Variants in ANKRD30BL observed in about 807,000 individuals in gnomAD.
The protein encoded by ANKRD30BL is ankyrin repeat domain 30B like.
A neutral mutation model predicts 18.4 loss-of-function variants in ANKRD30BL; 20 were observed. That is an observed-to-expected ratio of 1.09 (90% CI 0.77 to 1.58). The LOEUF (loss-of-function observed/expected upper bound fraction) is 1.58. ANKRD30BL is among the 40% of genes most tolerant of loss of function. The probability of loss-of-function intolerance (pLI) is 0.00; values close to 1 mark genes in which losing one functional copy is unlikely to be tolerated. For missense variants in ANKRD30BL, 224 were observed against 268.6 expected (o/e 0.83, Z 1.16); for synonymous variants, 72 against 100.9 (o/e 0.71, Z 1.72).
chr2:132,235,122 T>C (rs1315670615), intron 1 of ANKRD30BL, among the ~76,000 whole-genome samples: 6 of 152,144 alleles, frequency 3.9e-5, no homozygotes, highest in Admixed American at 1.3e-4. Flanking sequence ...AAAAAGCCTT[T>C]GACAAAATTC....
intron 1 of ANKRD30BL, among the ~76,000 whole-genome samples, chr2:132,206,591 G>C (rs1389742454): frequency 6.6e-6 from 1 of 152,140 alleles, no homozygotes; most frequent in Non-Finnish European, 1.5e-5. Flanking sequence ...TACTTAGTGA[G>C]TTCTCTTTGT....
chr2:132,256,003 G>C (rs1223847120), intron 1 of ANKRD30BL, among the ~76,000 whole-genome samples: 1 of 152,184 alleles, frequency 6.6e-6, no homozygotes, highest in Non-Finnish European at 1.5e-5. Flanking sequence ...CTGTGAAGGG[G>C]GTCAGTGCCC....
intron 1 of ANKRD30BL, among the ~76,000 whole-genome samples, chr2:132,227,264 C>A (rs547325756): frequency 7.7e-4 from 117 of 151,566 alleles, no homozygotes; most frequent in African/African-American, 2.8e-3. Flanking sequence ...TGTGCATTCA[C>A]TTCACAGAGT....
At chr2:132,217,516 T>C (rs1679540586) in intron 1 of ANKRD30BL, among the ~76,000 whole-genome samples, 1 of 152,108 alleles carries the variant, frequency 6.6e-6, no homozygotes, top group Non-Finnish European at 1.5e-5. Flanking sequence ...AGATACTTTA[T>C]CATAGAGCAG....
chr2:132,208,694 C>T (rs1175228450), intron 1 of ANKRD30BL, among the ~76,000 whole-genome samples: 1 of 151,390 alleles, frequency 6.6e-6, no homozygotes, highest in Non-Finnish European at 1.5e-5. Flanking sequence ...AGTGTATTCA[C>T]TAAAGCAAGG....
At chr2:132,167,734 G>C (rs1688213453) in intron 1 of ANKRD30BL, among the ~76,000 whole-genome samples, 1 of 152,034 alleles carries the variant, frequency 6.6e-6, no homozygotes, top group African/African-American at 2.4e-5. Context: ...GGTTTTCTTA[G>C]GATTGATTAT....
upstream of ANKRD30BL, among the ~76,000 whole-genome samples, chr2:132,162,108 C>T (rs905535765): frequency 1.3e-5 from 2 of 152,080 alleles, no homozygotes; most frequent in African/African-American, 4.8e-5. Flanking sequence ...GGGGGGCTCC[C>T]TGCCACATGG....
intron 1 of ANKRD30BL, among the ~76,000 whole-genome samples, chr2:132,235,145 T>C (rs1379232596): frequency 6.6e-6 from 1 of 152,176 alleles, no homozygotes; most frequent in South Asian, 2.1e-4. Context: ...CAACACTTCA[T>C]GCTAAAATCT....
In ANKRD30BL at chr2:132,205,007, G is replaced by A. The variant is rs572972308; in HGVS notation, n.442-47861C>T. ...GTGGGAATGGATAAAAGGAGCACAG[G>A]AAAAGTGTGCAGAGCATTGTTATCC... On this transcript the variant is annotated intron_variant and non_coding_transcript_variant, in intron 1 of 4. Transcript: ENST00000470729. Among the ~76,000 whole-genome samples, 16 of 152,270 alleles carry A rather than the reference G, an allele frequency of 1.1e-4. No homozygotes were observed. In the South Asian group the frequency reaches 3.3e-3, roughly 32 times the overall value.
chr2:132,181,080 G>T (rs1573820561), intron 1 of ANKRD30BL, among the ~76,000 whole-genome samples: 1 of 152,070 alleles, frequency 6.6e-6, no homozygotes, highest in Admixed American at 6.5e-5. Flanking sequence ...AGAGGCCGAA[G>T]TTGCAGTGAG....
At chr2:132,198,272 C>CTTTGT (rs755086599) in intron 1 of ANKRD30BL, among the ~76,000 whole-genome samples, 1 of 35,492 alleles carries the variant, frequency 2.8e-5, no homozygotes, top group African/African-American at 1.2e-4. Context: ...TCTTTCTTTT[C>CTTTGT]TTTCTTTCTT....
chr2:132,186,273 G>A (rs943657156), intron 1 of ANKRD30BL, among the ~76,000 whole-genome samples: 14 of 151,800 alleles, frequency 9.2e-5, no homozygotes, highest in African/African-American at 2.2e-4. Context: ...TAAATAGTAC[G>A]TAACTAGAAT....
chr2:132,215,194 C>G (rs1679464164), intron 1 of ANKRD30BL, among the ~76,000 whole-genome samples: 1 of 152,058 alleles, frequency 6.6e-6, no homozygotes, highest in Non-Finnish European at 1.5e-5. Context: ...CACATAAGCA[C>G]TAGACAGAAG....
chr2:132,176,751 A>G (rs1470217557), intron 1 of ANKRD30BL, among the ~76,000 whole-genome samples: 2 of 152,210 alleles, frequency 1.3e-5, no homozygotes, highest in East Asian at 3.9e-4. Context: ...AGATGGCACC[A>G]CTGCATTTCA....
chr2:132,254,099 A>C (rs796078148), intron 1 of ANKRD30BL, among the ~76,000 whole-genome samples: 1 of 131,322 alleles, frequency 7.6e-6, no homozygotes, highest in South Asian at 2.5e-4. Flanking sequence ...ACAGCAGGGG[A>C]CTGCTCCCCA....
chr2:132,150,758 T>G (rs1687735409), intron 5 of ANKRD30BL, among the ~76,000 whole-genome samples, 154 bp downstream of exon 5: 1 of 151,926 alleles, frequency 6.6e-6, no homozygotes, highest in Non-Finnish European at 1.5e-5. Flanking sequence ...AACTAAAAAA[T>G]TAAATCAAAG....
At chr2:132,194,043 TCTCTCTCTCTCTCA>T (rs1485600521) in intron 1 of ANKRD30BL, among the ~76,000 whole-genome samples, 1 of 126,790 alleles carries the variant, frequency 7.9e-6, no homozygotes, top group East Asian at 2.1e-4. Context: ...TCTCTCTCTC[TCTCTCTCTCTCTCA>T]CACACACACA....
chr2:132,179,088 T>C, intron 1 of ANKRD30BL, among the ~76,000 whole-genome samples: 1 of 151,706 alleles, frequency 6.6e-6, no homozygotes, highest in Non-Finnish European at 1.5e-5. Flanking sequence ...AGGTAAAAAA[T>C]TCCTGTTTCC....
intron 1 of ANKRD30BL, among the ~76,000 whole-genome samples, chr2:132,254,364 G>T (rs1368580418): frequency 6.6e-6 from 1 of 152,202 alleles, no homozygotes; most frequent in Non-Finnish European, 1.5e-5. Flanking sequence ...CCCTCCGCAG[G>T]TTCACCTACC....
Sources: allele counts gnomAD v4.1 joint callset (sites outside exome capture counted in the v4.1 genomes callset), GRCh38; gene constraint gnomAD v4.1.1; transcripts MANE v1.5; gene names NCBI Gene and HGNC (gene_info 2026-07-23, HGNC 2026-07-21).